The following NRBP2 variants were observed in gnomAD, a reference collection of about 807,000 sequenced individuals.
NRBP2 encodes nuclear receptor-binding protein 2.
NRBP2 carries 47 observed loss-of-function variants against 74.4 expected under a neutral mutation model. That is an observed-to-expected ratio of 0.63 (90% CI 0.50 to 0.81). The LOEUF (loss-of-function observed/expected upper bound fraction) is 0.81, where lower values mean the gene tolerates loss of function less well. Ranked by LOEUF, NRBP2 falls within the 30% of genes least tolerant of loss-of-function variation. The pLI is 0.00. For synonymous variants in NRBP2, 312 were observed against 273.8 expected, an observed-to-expected ratio of 1.14 and a Z score of -1.38; for missense variants, 613 against 690.1, an observed-to-expected ratio of 0.89 and a Z score of 1.25.
chr8:143,835,871 G>A lies in NRBP2; in HGVS notation c.1386C>T (p.Asp462=), dbSNP rs782235143. ...RQLTYDLLPT[D]SAQDLASELV... is the part of the protein sequence containing the mutation. ...GCTCCGAGGCGAGGTCCTGGGCGCTGTCCGCTGAGGCAATGGCGTAAGGCG... is the reference window on the plus strand; with the variant it reads ...GCTCCGAGGCGAGGTCCTGGGCGCTATCCGCTGAGGCAATGGCGTAAGGCG... The change falls in exon 17 of 18, where the codon GAC becomes GAT. Residue 462 remains aspartate (D), a synonymous_variant. Coordinates refer to ENST00000442628, the MANE Select transcript of NRBP2 (RefSeq NM_178564.4). This position sits in a 1 kb window ranked among gnomAD's most constrained non-coding sequence, Gnocchi z 4.9. 6 of 1,603,162 alleles carry A rather than the reference G, an allele frequency of 3.7e-6. No individual in the cohort carries two copies. Among genetic ancestry groups the A allele is most frequent in the Non-Finnish European group, 4.2e-6 (5 of 1,177,868 alleles).
Position 143,835,628 on chromosome 8 carries a change from C to G in NRBP2, c.*34G>C. Reference sequence around the variant, plus strand: ...CCCAACATGGCCTGCCCAGGCAGCACCCCGGCATGGTCCCCTGGGGCTGGG... The same window carrying G: ...CCCAACATGGCCTGCCCAGGCAGCAGCCCGGCATGGTCCCCTGGGGCTGGG... On this transcript the variant is annotated 3_prime_UTR_variant, in exon 18 of 18. Coordinates refer to ENST00000442628, the MANE Select transcript of NRBP2 (RefSeq NM_178564.4). The surrounding 1 kb of genome is among the most constrained non-coding windows in gnomAD (Gnocchi z 4.9). 6.5e-7 allele frequency: 1 copy of G among 1,534,946 alleles called. No homozygotes were observed. The highest frequency in any genetic ancestry group is 8.8e-7 in the Non-Finnish European group (1 of 1,140,488).
Position 143,835,375 on chromosome 8 carries a change from T to C in NRBP2, c.*287A>G, listed in dbSNP as rs1554651170. On this transcript the variant is annotated 3_prime_UTR_variant, in exon 18 of 18. Coordinates refer to ENST00000442628, the MANE Select transcript of NRBP2 (RefSeq NM_178564.4). This position sits in a 1 kb window ranked among gnomAD's most constrained non-coding sequence, Gnocchi z 4.9. ...AGGCAGTGGCCCCGGCCAGGCAGCC[T>C]GGGTAGGAACTCAGGGCGGAGAATG... The C allele has an allele frequency of 7.5e-6, 4 of 534,426 alleles. No individual in the cohort carries two copies. The African/African-American group carries it at 7.9e-5, about 11-fold the overall frequency. 33.1% of individuals were successfully genotyped at this position (534,426 alleles called of 1,614,324 possible). A position where few individuals can be genotyped will look rare whatever the true frequency, so the allele number is the denominator to read the frequency against.
Position 143,839,866 on chromosome 8 carries a change from C to G in NRBP2, c.355-41G>C. 6.5e-7 allele frequency: 1 copy of G among 1,534,936 alleles called. No individual in the cohort carries two copies. Among genetic ancestry groups the G allele is most frequent in the East Asian group, 2.4e-5 (1 of 40,902 alleles). On this transcript the variant is annotated intron_variant, in intron 3 of 17. Transcript: ENST00000442628. This position sits in a 1 kb window ranked among gnomAD's most constrained non-coding sequence, Gnocchi z 5.1. ...TCAGGATTTCCACCAGCTGCGGGTT[C>G]GTCCCCATGCCCGCCCCACCTAGCT...
chr8:143,835,279 T>C lies in NRBP2; in HGVS notation c.*383A>G, dbSNP rs558905666. On this transcript the variant is annotated 3_prime_UTR_variant, in exon 18 of 18. Coordinates refer to ENST00000442628, the MANE Select transcript of NRBP2 (RefSeq NM_178564.4). This position sits in a 1 kb window ranked among gnomAD's most constrained non-coding sequence, Gnocchi z 4.9. Reference sequence around the variant, plus strand: ...GAGCAGTTCCCTGGGCAGAGGTCTGTCCAGGGCTGACCCTCACCCCCAAGC... The same window carrying C: ...GAGCAGTTCCCTGGGCAGAGGTCTGCCCAGGGCTGACCCTCACCCCCAAGC... 167 of 340,506 alleles carry C rather than the reference T, an allele frequency of 4.9e-4. No homozygotes were observed. The highest frequency in any genetic ancestry group is 3.5e-3 in the African/African-American group (157 of 44,910). 21.1% of individuals were successfully genotyped at this position (340,506 alleles called of 1,614,324 possible). A position where few individuals can be genotyped will look rare whatever the true frequency, so the allele number is the denominator to read the frequency against.
In NRBP2 at chr8:143,837,691, A is replaced by C; in HGVS notation, c.905T>G (p.Phe302Cys). The C allele has an allele frequency of 6.3e-7, 1 of 1,576,270 alleles. No individual in the cohort carries two copies. ...GTGCACCTCGAAGAGCACGCGGTGG[A>C]AGAGGAGGCTGTGGGCAGAGGGCCG... ...ARRPSAHSLL[F>C]HRVLFEVHSL... The change falls in exon 11 of 18, where the codon TTC (phenylalanine) becomes TGC (cysteine). Residue 302 changes from phenylalanine (F) to cysteine (C), a missense_variant. Physicochemically the swap from Phe to Cys is radical, Grantham distance 205. Around this residue, in one of 2 missense-constraint regions of NRBP2, gnomAD observed 332 missense variants for 429.2 expected, o/e 0.77. Coordinates refer to ENST00000442628, the MANE Select transcript of NRBP2 (RefSeq NM_178564.4). The surrounding 1 kb of genome is among the most constrained non-coding windows in gnomAD (Gnocchi z 4.3).
At chr8:143,833,234 C>T (rs1362187653), downstream of NRBP2, 1 of 152,094 alleles carries the variant, frequency 6.6e-6, no homozygotes, top group East Asian at 1.9e-4. Context: ...TCAGGAAAGT[C>T]TAAAGATGAA....
chr8:143,830,522 C>T (rs373181822), downstream of NRBP2, among the ~76,000 whole-genome samples: 2 of 152,250 alleles, frequency 1.3e-5, no homozygotes, highest in African/African-American at 4.8e-5. Context: ...TCTGACCACC[C>T]GCATGCCATC....
chr8:143,832,630 G>A (rs1818203870), downstream of NRBP2, among the ~76,000 whole-genome samples: 1 of 152,240 alleles, frequency 6.6e-6, no homozygotes, highest in South Asian at 2.1e-4. Context: ...AGATGTTTAT[G>A]TGTATGCATA....
rs782165111 is a variant in NRBP2 at position 143,839,452 on chromosome 8, G to T, written c.486-44C>A. 3.3e-6 allele frequency: 5 copies of T among 1,534,814 alleles called. No homozygotes were observed. Among genetic ancestry groups the T allele is most frequent in the Non-Finnish European group, 4.4e-6 (5 of 1,145,866 alleles). On this transcript the variant is annotated intron_variant, in intron 5 of 17. Transcript: ENST00000442628. The surrounding 1 kb of genome is among the most constrained non-coding windows in gnomAD (Gnocchi z 5.1). ...GGAGAGTAGGAGGAGCCGGTCAGGA[G>T]GCTCTGGAGAGATGGGGGCTCGGTG... is the stretch of plus-strand genomic sequence containing the variant.
intron 14 of NRBP2, 52 bp from the exon 15 acceptor site, chr8:143,836,232 C>G (rs782742886): frequency 1.4e-6 from 2 of 1,475,382 alleles, no homozygotes; most frequent in Non-Finnish European, 1.8e-6. Flanking sequence ...GACCACATGC[C>G]GCGGCCCCAA....
chr8:143,836,622 G>A (rs1448194989), intron 14 of NRBP2, among the ~76,000 whole-genome samples: 1 of 148,914 alleles, frequency 6.7e-6, no homozygotes, highest in African/African-American at 2.5e-5. Flanking sequence ...CCAGGAGGGG[G>A]TGCTGCAGGA....
At chr8:143,838,395 T>A (rs1308180644) in intron 10 of NRBP2, among the ~76,000 whole-genome samples, 1 of 152,228 alleles carries the variant, frequency 6.6e-6, no homozygotes, top group African/African-American at 2.4e-5. Flanking sequence ...AAAGGACTCA[T>A]CTCCTCTGAA....
chr8:143,839,612 A>G lies in NRBP2; in HGVS notation c.445-63T>C, dbSNP rs1818603916. The G allele has an allele frequency of 6.6e-7, 1 of 1,506,894 alleles. No homozygotes were observed. The highest frequency in any genetic ancestry group is 1.4e-5 in the African/African-American group (1 of 72,060). 93.3% of individuals were successfully genotyped at this position (1,506,894 alleles called of 1,614,324 possible). On this transcript the variant is annotated intron_variant, in intron 4 of 17. Transcript: ENST00000442628. This position sits in a 1 kb window ranked among gnomAD's most constrained non-coding sequence, Gnocchi z 5.1. The stretch of plus-strand genomic sequence containing the variant: ...GCAGGAGAGGCGGCTGGGCCTGCGG[A>G]GCCCGCCCCGCATCCTCGCCCAGCC...
rs1484090750 is a variant in NRBP2 at position 143,839,249 on chromosome 8, T to G, written c.581-54A>C. 2.0e-6 allele frequency: 3 copies of G among 1,534,850 alleles called. No individual in the cohort carries two copies. The African/African-American group carries it at 4.1e-5, about 21-fold the overall frequency. ...TTAGCTGCTGGGGCATCAGAACTCC[T>G]CTGCCCTTGGCTCCAGGCACCTTCC... On this transcript the variant is annotated intron_variant, in intron 6 of 17. Coordinates refer to ENST00000442628, the MANE Select transcript of NRBP2 (RefSeq NM_178564.4). This position sits in a 1 kb window ranked among gnomAD's most constrained non-coding sequence, Gnocchi z 5.1.
Position 143,833,599 on chromosome 8 carries a change from G to A in NRBP2, c.*2063C>T, listed in dbSNP as rs1425309716. 1.3e-5 allele frequency: 2 copies of A among 152,190 alleles called. No individual in the cohort carries two copies. The highest frequency in any genetic ancestry group is 4.8e-5 in the African/African-American group (2 of 41,506). 9.4% of individuals were successfully genotyped at this position (152,190 alleles called of 1,614,324 possible). A position where few individuals can be genotyped will look rare whatever the true frequency, so the allele number is the denominator to read the frequency against. On this transcript the variant is annotated 3_prime_UTR_variant, in exon 18 of 18. Coordinates refer to ENST00000442628, the MANE Select transcript of NRBP2 (RefSeq NM_178564.4). Reference sequence around the variant, plus strand: ...AGAGTTGAATTTGGAGAGGATCAGAGTAGGAGCCTGCATTTATTATTTATT... The same window carrying A: ...AGAGTTGAATTTGGAGAGGATCAGAATAGGAGCCTGCATTTATTATTTATT...
In NRBP2 at chr8:143,835,987, A is replaced by G. The variant is rs1554651582; in HGVS notation, c.1361T>C (p.Leu454Pro). Residue 454 changes from leucine (L) to proline (P), a missense_variant, in exon 16 of 18, where the codon CTG (leucine) becomes CCG (proline). This residue lies in a region of NRBP2 where 281 missense variants were observed against 260.9 expected (regional missense o/e 1.08). Coordinates refer to ENST00000442628, the MANE Select transcript of NRBP2 (RefSeq NM_178564.4). The surrounding 1 kb of genome is among the most constrained non-coding windows in gnomAD (Gnocchi z 4.9). ...CCTACTTGGGAGCAGGTCGTAGGTC[A>G]GCTGCCGGTGCAGCCGGTCTTCCAG... Reference protein sequence around the residue: ...LVLEDRLHRQLTYDLLPTDSA... With the variant: ...LVLEDRLHRQPTYDLLPTDSA... 6.3e-7 allele frequency: 1 copy of G among 1,583,010 alleles called. No homozygotes were observed. The highest frequency in any genetic ancestry group is 1.1e-5 in the South Asian group (1 of 88,676).
chr8:143,840,113 C>A lies in NRBP2; in HGVS notation c.246G>T (p.Ala82=). ...GAGGGGGCAGCGGTCTCACCTCGTG[C>A]GCCGCGAAGGCCTTCCTGTCTCCGA... The part of the protein sequence containing the change: ...LHFGDRKAFA[A]HEEKIQTVFE... The change falls in exon 2 of 18, where the codon GCG becomes GCT. Residue 82 remains alanine (A), a synonymous_variant. Coordinates refer to ENST00000442628, the MANE Select transcript of NRBP2 (RefSeq NM_178564.4). The surrounding 1 kb of genome is among the most constrained non-coding windows in gnomAD (Gnocchi z 5.7). 1.3e-6 allele frequency: 2 copies of A among 1,536,122 alleles called. No individual in the cohort carries two copies. Among genetic ancestry groups the A allele is most frequent in the African/African-American group, 1.4e-5 (1 of 73,146 alleles).
In NRBP2 at chr8:143,834,397, G is replaced by A. The variant is rs1273120799; in HGVS notation, c.*1265C>T. On this transcript the variant is annotated 3_prime_UTR_variant, in exon 18 of 18. Transcript: ENST00000442628. ...TTGGCCCTGCCACCGAAAGGATGTG[G>A]ATTCTGCCAGCAGCCTGAAGGAGCA... The A allele has an allele frequency of 6.6e-6, 1 of 152,248 alleles. No individual in the cohort carries two copies. Among genetic ancestry groups the A allele is most frequent in the Non-Finnish European group, 1.5e-5 (1 of 68,060 alleles). The allele number at this position is 152,248 out of a possible 1,614,324, so 9.4% of individuals were successfully genotyped here.
At position 143,835,777 on chromosome 8, in the gene NRBP2, C is replaced by T. The variant is rs374837070; in HGVS notation, c.1437+43G>A. On this transcript the variant is annotated intron_variant, in intron 17 of 17. Transcript: ENST00000442628. This position sits in a 1 kb window ranked among gnomAD's most constrained non-coding sequence, Gnocchi z 4.9. ...GGGGACGGAGGGGCGCGGCCTGCCC[C>T]GTGCGCCCCCTCCGCCAGGCCGCGC... 43 of 1,602,414 alleles carry T rather than the reference C, an allele frequency of 2.7e-5. No individual in the cohort carries two copies. In the Admixed American group the frequency reaches 3.2e-4, roughly 12 times the overall value.
Sources: gnomAD v4.1 joint callset for allele counts (sites outside exome capture counted in the v4.1 genomes callset) on GRCh38, gnomAD v4.1.1 for gene constraint, gnomAD v4.1.1 regional missense constraint, Gnocchi (gnomAD v3.1) non-coding constraint, MANE v1.5 for transcripts, NCBI Gene and HGNC (gene_info 2026-07-23, HGNC 2026-07-21) for gene names.